Variants in RCOR1 observed in about 807,000 individuals in gnomAD.
RCOR1 encodes REST corepressor 1, also known as REST corepressor.
Under a neutral mutation model 64.0 loss-of-function variants are expected in RCOR1, and 12 were observed. That is an observed-to-expected ratio of 0.19 (90% CI 0.12 to 0.30). The LOEUF (loss-of-function observed/expected upper bound fraction) is 0.30, where lower values mean the gene tolerates loss of function less well. Among genes scored for constraint, RCOR1 ranks in the 10% least tolerant of loss-of-function variants. The pLI is 1.00. For missense variants in RCOR1, 502 were observed against 621.2 expected (o/e 0.81, Z 2.04); for synonymous variants, 279 against 227.2 (o/e 1.23, Z -2.05).
At chr14:102,606,565 T>C (rs550958433) in intron 2 of RCOR1, among the ~76,000 whole-genome samples, 77 of 152,188 alleles carry the variant, frequency 5.1e-4, no homozygotes, top group Admixed American at 1.2e-3. Flanking sequence ...AGTGGTGTCA[T>C]GTATGTCTGA....
At chr14:102,701,129 T>C (rs1178977136) in intron 3 of RCOR1, 149 bp from the exon 4 acceptor site, 1 of 690,220 alleles carries the variant, frequency 1.4e-6, no homozygotes, top group Non-Finnish European at 2.6e-6. Context: ...TTGGGAATTG[T>C]GGGAGATACA....
intron 2 of RCOR1, among the ~76,000 whole-genome samples, chr14:102,650,080 C>T (rs554271800): frequency 6.6e-6 from 1 of 152,004 alleles, no homozygotes. Context: ...CACCTGTAGT[C>T]CCAGCTACTC....
rs569399655 is a variant in RCOR1 at position 102,592,979 on chromosome 14, C to G, written c.93C>G (p.Ser31=). Residue 31 remains serine, a synonymous_variant, in exon 1 of 12, where the codon TCC becomes TCG. Transcript: ENST00000262241. The stretch of plus-strand genomic sequence containing the variant: ...CCTCCGCCTCCGCCGCCGCCGCCTC[C>G]GCCGCCGCCTCGGCCGCCTGCGCCT... ...AAASASAAAA[S]AAASAACASP... The G allele has an allele frequency of 8.6e-6, 10 of 1,159,438 alleles. No homozygotes were observed. Among genetic ancestry groups the G allele is most frequent in the Middle Eastern group, 3.5e-4 (1 of 2,818 alleles). The allele number at this position is 1,159,438 out of a possible 1,614,324, so 71.8% of individuals were successfully genotyped here.
chr14:102,694,651 A>T (rs754996160), intron 3 of RCOR1, among the ~76,000 whole-genome samples: 21 of 152,214 alleles, frequency 1.4e-4, no homozygotes, highest in South Asian at 4.1e-4. Flanking sequence ...CCTCAGGCAG[A>T]GTCTCTGGCT....
At chr14:102,596,641 T>C (rs1284705712) in intron 2 of RCOR1, among the ~76,000 whole-genome samples, 1 of 151,998 alleles carries the variant, frequency 6.6e-6, no homozygotes, top group Non-Finnish European at 1.5e-5. Context: ...CTTGGCTCAC[T>C]GCAACCTCCA....
At chr14:102,702,041 G>A (rs1248219760) in intron 4 of RCOR1, among the ~76,000 whole-genome samples, 1 of 152,182 alleles carries the variant, frequency 6.6e-6, no homozygotes, top group East Asian at 1.9e-4. Flanking sequence ...CAAAAGTGTG[G>A]TGATACCTTA....
chr14:102,637,168 C>A (rs544242827), intron 2 of RCOR1, among the ~76,000 whole-genome samples: 29 of 149,408 alleles, frequency 1.9e-4, no homozygotes, highest in African/African-American at 7.1e-4. Flanking sequence ...ACTCTGTCGC[C>A]CAGGCTGGAG....
chr14:102,658,509 T>A (rs140514839), intron 2 of RCOR1: 11,621 of 984,256 alleles, frequency 0.012, 89 homozygotes, highest in Admixed American at 0.016. Flanking sequence ...AATGGTTTTC[T>A]TACTTTTATG....
chr14:102,680,826 C>T (rs572250786), intron 2 of RCOR1, among the ~76,000 whole-genome samples: 3 of 152,162 alleles, frequency 2.0e-5, no homozygotes, highest in Non-Finnish European at 2.9e-5. Flanking sequence ...AACTCAAAGG[C>T]GGTCACTCCA....
At chr14:102,654,788 T>G (rs1014272722) in intron 2 of RCOR1, among the ~76,000 whole-genome samples, 3 of 66,920 alleles carry the variant, frequency 4.5e-5, no homozygotes, top group African/African-American at 1.6e-4. Context: ...GTGGTTGAGT[T>G]TTTTTTTTTT....
At chr14:102,723,331 C>T (rs1453260603) in intron 11 of RCOR1, among the ~76,000 whole-genome samples, 1 of 152,220 alleles carries the variant, frequency 6.6e-6, no homozygotes, top group African/African-American at 2.4e-5. Context: ...CCCTCCTGAC[C>T]TGAGCATGGA....
chr14:102,659,940 C>T (rs1418870954), intron 2 of RCOR1, among the ~76,000 whole-genome samples: 1 of 152,162 alleles, frequency 6.6e-6, no homozygotes, highest in Non-Finnish European at 1.5e-5. Context: ...GTTCTTTTTA[C>T]TCCAGACACT....
intron 2 of RCOR1, among the ~76,000 whole-genome samples, chr14:102,624,329 C>T (rs1287076818): frequency 6.6e-6 from 1 of 151,800 alleles, no homozygotes; most frequent in Non-Finnish European, 1.5e-5. Context: ...CATGGTGAAA[C>T]CCTACCTCTA....
At chr14:102,682,642 T>A (rs191311803) in intron 3 of RCOR1, among the ~76,000 whole-genome samples, 1 of 152,218 alleles carries the variant, frequency 6.6e-6, no homozygotes, top group Non-Finnish European at 1.5e-5. Context: ...GGATCTCTTT[T>A]CATCTCCTGT....
At chr14:102,630,795 A>G (rs1894095343) in intron 2 of RCOR1, among the ~76,000 whole-genome samples, 1 of 152,102 alleles carries the variant, frequency 6.6e-6, no homozygotes, top group Admixed American at 6.6e-5. Context: ...AGGAAAGTGC[A>G]CCGAACCACT....
At chr14:102,622,691 A>G (rs972251564) in intron 2 of RCOR1, among the ~76,000 whole-genome samples, 3 of 152,014 alleles carry the variant, frequency 2.0e-5, no homozygotes, top group African/African-American at 7.3e-5. Context: ...TCCTGATGAC[A>G]CTGCCTCCCT....
chr14:102,729,967 C>T lies in RCOR1; in HGVS notation c.*3461C>T, dbSNP rs368998246. ...ACTCCAGGTAGCCAGGTCACCTAAA[C>T]CTAGTGGTCCTGTGCGATGCTCTTT... is the stretch of plus-strand genomic sequence containing the variant. On this transcript the variant is annotated 3_prime_UTR_variant, in exon 12 of 12. Coordinates refer to ENST00000262241, the MANE Select transcript of RCOR1 (RefSeq NM_015156.4). 7.5e-6 allele frequency: 3 copies of T among 398,952 alleles called. No individual in the cohort carries two copies. The highest frequency in any genetic ancestry group is 2.1e-5 in the African/African-American group (1 of 48,638). The allele number at this position is 398,952 out of a possible 1,614,324, so 24.7% of individuals were successfully genotyped here. A position where few individuals can be genotyped will look rare whatever the true frequency, so the allele number is the denominator to read the frequency against.
At chr14:102,725,064 T>A (rs567656057) in intron 11 of RCOR1, among the ~76,000 whole-genome samples, 226 of 152,320 alleles carry the variant, frequency 1.5e-3, no homozygotes, top group Non-Finnish European at 2.9e-3. Flanking sequence ...CTTTTGAAAT[T>A]CATAGTTATT....
chr14:102,668,467 GGTAAT>G (rs1894961240), intron 2 of RCOR1, among the ~76,000 whole-genome samples: 1 of 152,036 alleles, frequency 6.6e-6, no homozygotes, highest in Admixed American at 6.6e-5. Context: ...GTATTTACTG[GGTAAT>G]ACAATACAAA....
Sources: allele counts gnomAD v4.1 joint callset (sites outside exome capture counted in the v4.1 genomes callset), GRCh38; gene constraint gnomAD v4.1.1; transcripts MANE v1.5; gene names NCBI Gene and HGNC (gene_info 2026-07-23, HGNC 2026-07-21).